The following PCDHGA7 variants were observed in gnomAD, a reference collection of about 807,000 sequenced individuals.
The protein encoded by PCDHGA7 is protocadherin gamma subfamily A, 7.
PCDHGA7 carries 44 observed loss-of-function variants against 58.3 expected under a neutral mutation model. That is an observed-to-expected ratio of 0.75 (90% CI 0.59 to 0.97). The LOEUF is 0.97. Among genes scored for constraint, PCDHGA7 ranks in the 50% least tolerant of loss-of-function variants. The pLI is 0.00. For synonymous variants in PCDHGA7, 516 were observed against 504.2 expected (o/e 1.02, Z -0.31); for missense variants, 1,266 against 1,188.7 (o/e 1.06, Z -0.96).
At chr5:141,399,129 A>G (rs1280077247) in intron 1 of PCDHGA7, 2 of 1,613,848 alleles carry the variant, frequency 1.2e-6, no homozygotes, top group Non-Finnish European at 8.5e-7. Context: ...TTAATATTCA[A>G]GATGAAAATG....
intron 1 of PCDHGA7, chr5:141,427,797 G>A (rs1194658203): frequency 6.0e-6 from 9 of 1,505,188 alleles, no homozygotes; most frequent in Admixed American, 3.4e-5. Context: ...CTACGTGTCC[G>A]TGAGCGCACA....
intron 1 of PCDHGA7, among the ~76,000 whole-genome samples, chr5:141,481,789 T>TAAAAATAC (rs972511310): frequency 3.3e-5 from 5 of 151,186 alleles, no homozygotes; most frequent in African/African-American, 1.2e-4. Flanking sequence ...CCGTCTCTAC[T>TAAAAATAC]AAAAATACAA....
At chr5:141,404,446 G>A (rs1211285523) in intron 1 of PCDHGA7, 2 of 1,612,974 alleles carry the variant, frequency 1.2e-6, no homozygotes, top group East Asian at 2.2e-5. Context: ...CCATCCAAGG[G>A]TCTCCTCTCT....
intron 1 of PCDHGA7, chr5:141,418,379 C>T: frequency 6.2e-7 from 1 of 1,613,966 alleles, no homozygotes; most frequent in Non-Finnish European, 8.5e-7. Flanking sequence ...CCAACTAAGT[C>T]CTAACGAGTA....
In PCDHGA7 at chr5:141,512,088, A is replaced by G. The variant is rs192947391; in HGVS notation, c.*915A>G. 2.6e-5 allele frequency: 4 copies of G among 152,772 alleles called. No individual in the cohort carries two copies. Among genetic ancestry groups the G allele is most frequent in the Admixed American group, 6.5e-5 (1 of 15,306 alleles). 9.5% of individuals were successfully genotyped at this position (152,772 alleles called of 1,614,324 possible). On this transcript the variant is annotated 3_prime_UTR_variant, in exon 4 of 4. Transcript: ENST00000518325. ...TCCTCCAGATTCCAGCCATAAACCAATAACTAGGCTGGACCCTTCCCACTA... is the reference window on the plus strand; with the variant it reads ...TCCTCCAGATTCCAGCCATAAACCAGTAACTAGGCTGGACCCTTCCCACTA...
chr5:141,408,372 G>A, intron 1 of PCDHGA7: 2 of 1,614,024 alleles, frequency 1.2e-6, no homozygotes, highest in African/African-American at 1.3e-5. Flanking sequence ...CTAGGGCTCA[G>A]TGTCCTGGAT....
At chr5:141,473,738 C>T (rs755682627) in intron 1 of PCDHGA7, among the ~76,000 whole-genome samples, 2 of 152,310 alleles carry the variant, frequency 1.3e-5, no homozygotes, top group Non-Finnish European at 2.9e-5. Flanking sequence ...AGGGAGAAGA[C>T]ATGAGAACTT....
intron 1 of PCDHGA7, among the ~76,000 whole-genome samples, chr5:141,459,962 C>T (rs994878993): frequency 5.3e-5 from 8 of 152,290 alleles, no homozygotes; most frequent in South Asian, 2.1e-4. Flanking sequence ...CCTGTAATCC[C>T]AGCTACTCAG....
rs1188941232 is a variant in PCDHGA7, at chr5:141,512,270, G to A, written c.*1097G>A. ...TCTGTGGGTGCTGGGTACTCCAGAG[G>A]TGCCACTGGTGGAAGGGTCAGCGGA... On this transcript the variant is annotated 3_prime_UTR_variant, in exon 4 of 4. Coordinates refer to ENST00000518325, the MANE Select transcript of PCDHGA7 (RefSeq NM_018920.4). The A allele has an allele frequency of 1.3e-5, 2 of 152,714 alleles. No individual in the cohort carries two copies. The highest frequency in any genetic ancestry group is 2.9e-5 in the Non-Finnish European group (2 of 68,100). The allele number at this position is 152,714 out of a possible 1,614,324, so 9.5% of individuals were successfully genotyped here.
chr5:141,409,187 A>C, intron 1 of PCDHGA7: 1 of 1,614,024 alleles, frequency 6.2e-7, no homozygotes, highest in Non-Finnish European at 8.5e-7. Flanking sequence ...TGGTCTCTCT[A>C]CCCAGTGTAA....
At chr5:141,398,149 C>T (rs761559295) in intron 1 of PCDHGA7, 29 of 1,497,086 alleles carry the variant, frequency 1.9e-5, no homozygotes, top group Non-Finnish European at 2.6e-5. Context: ...CGCCGGGGAG[C>T]TGGGCCGGGC....
intron 1 of PCDHGA7, chr5:141,414,525 T>C (rs1413988459): frequency 1.2e-6 from 2 of 1,613,972 alleles, no homozygotes; most frequent in South Asian, 1.1e-5. Flanking sequence ...CAGATATCAA[T>C]GACAACCCAC....
At position 141,384,443 on chromosome 5, in the gene PCDHGA7, A is replaced by G; in HGVS notation, c.1544A>G (p.Tyr515Cys). ...ATAAACTCTGACACTGGAGTCCTGT[A>G]CGCGCTGCAATCCTTTGATTATGAG... is the stretch of plus-strand genomic sequence containing the variant. ...VSINSDTGVL[Y>C]ALQSFDYEQL... Residue 515 changes from tyrosine (Y) to cysteine (C), a missense_variant, in exon 1 of 4, where the codon TAC (tyrosine) becomes TGC (cysteine). Physicochemically the swap from Tyr to Cys is radical, Grantham distance 194. Transcript: ENST00000518325. 1 of 1,614,030 alleles carries G rather than the reference A, an allele frequency of 6.2e-7. No individual in the cohort carries two copies. The highest frequency in any genetic ancestry group is 8.5e-7 in the Non-Finnish European group (1 of 1,179,906).
chr5:141,473,974 C>T (rs958240236), intron 1 of PCDHGA7, among the ~76,000 whole-genome samples: 12 of 152,172 alleles, frequency 7.9e-5, no homozygotes, highest in Admixed American at 1.3e-4. Flanking sequence ...AAGTCTGAGG[C>T]GGGAGGATCC....
At chr5:141,397,183 T>C (rs1319444729) in intron 1 of PCDHGA7, among the ~76,000 whole-genome samples, 2 of 152,190 alleles carry the variant, frequency 1.3e-5, no homozygotes, top group East Asian at 3.8e-4. Flanking sequence ...AATGAATTTA[T>C]GTACTGTAAA....
chr5:141,463,990 G>C (rs2099073582), intron 1 of PCDHGA7, among the ~76,000 whole-genome samples: 1 of 151,990 alleles, frequency 6.6e-6, no homozygotes, highest in Admixed American at 6.6e-5. Context: ...TAAAAACCAG[G>C]TGCAGTGGCT....
chr5:141,389,196 C>T, intron 1 of PCDHGA7: 1 of 1,614,048 alleles, frequency 6.2e-7, no homozygotes, highest in South Asian at 1.1e-5. Flanking sequence ...CAGCATCACC[C>T]TGCACATTGG....
At position 141,432,807 on chromosome 5, in the gene PCDHGA7, ACT is replaced by A. The variant is rs542925824; in HGVS notation, c.2424+47487_2424+47488del. On this transcript the variant is annotated intron_variant, in intron 1 of 3. Coordinates refer to ENST00000518325, the MANE Select transcript of PCDHGA7 (RefSeq NM_018920.4). This position sits in a 1 kb window ranked among gnomAD's most constrained non-coding sequence, Gnocchi z 6.0. ...CTCGGCAGCCTCGAGTCTCCAGCTA[ACT>A]CTGAAACCTCAGACCTCACTCTGTA... 352 of 1,613,946 alleles carry A rather than the reference ACT, an allele frequency of 2.2e-4. 2 individuals carry two copies. The African/African-American group carries it at 4.2e-3, about 19-fold the overall frequency.
Position 141,489,765 on chromosome 5 carries a change from C to A in PCDHGA7, c.2425-5042C>A. On this transcript the variant is annotated intron_variant, in intron 1 of 3. Transcript: ENST00000518325. The surrounding 1 kb of genome is among the most constrained non-coding windows in gnomAD (Gnocchi z 4.5). ...TGAGCTTTTACACTCTAAGCCCCAA[C>A]AGCCACTTCTCTCTGAATGTGAAGA... 2.5e-6 allele frequency: 4 copies of A among 1,614,174 alleles called. No individual in the cohort carries two copies. The highest frequency in any genetic ancestry group is 3.4e-6 in the Non-Finnish European group (4 of 1,179,992).
Sources: allele counts gnomAD v4.1 joint callset (sites outside exome capture counted in the v4.1 genomes callset), GRCh38; gene constraint gnomAD v4.1.1; non-coding constraint Gnocchi (gnomAD v3.1); transcripts MANE v1.5; gene names NCBI Gene and HGNC (gene_info 2026-07-23, HGNC 2026-07-21).